MGAT5: variants seen among roughly 807,000 people sequenced by gnomAD.
The protein encoded by MGAT5 is alpha-1,6-mannosylglycoprotein 6-beta-N-acetylglucosaminyltransferase A.
MGAT5 carries 30 observed loss-of-function variants against 94.3 expected under a neutral mutation model. That is an observed-to-expected ratio of 0.32 (90% confidence interval 0.24 to 0.43). The LOEUF (loss-of-function observed/expected upper bound fraction) is 0.43, where lower values mean the gene tolerates loss of function less well. Among genes scored for constraint, MGAT5 ranks in the 20% least tolerant of loss-of-function variants. MGAT5 has a pLI of 1.00. For missense variants in MGAT5, 691 were observed against 905.5 expected (o/e 0.76, Z 3.04); for synonymous variants, 310 against 322.9 (o/e 0.96, Z 0.43).
At chr2:134,292,829 C>T (rs911882718) in intron 2 of MGAT5, among the ~76,000 whole-genome samples, 21 of 152,170 alleles carry the variant, frequency 1.4e-4, no homozygotes, top group South Asian at 2.1e-4. Flanking sequence ...TTTATCAAAG[C>T]GTGTTATGTG....
At chr2:134,135,780 G>T (rs1312799196) in intron 1 of MGAT5, among the ~76,000 whole-genome samples, 1 of 149,556 alleles carries the variant, frequency 6.7e-6, no homozygotes, top group Admixed American at 6.7e-5. Context: ...GCTCCTCCCC[G>T]AGCCACAGCC....
At chr2:134,282,062 A>G (rs1348682701) in intron 2 of MGAT5, among the ~76,000 whole-genome samples, 1 of 152,122 alleles carries the variant, frequency 6.6e-6, no homozygotes, top group Non-Finnish European at 1.5e-5. Flanking sequence ...TGTCTCCTGG[A>G]GATGGTTGTG....
chr2:134,313,743 CA>C (rs1430751498), intron 2 of MGAT5, among the ~76,000 whole-genome samples: 1 of 152,050 alleles, frequency 6.6e-6, no homozygotes, highest in East Asian at 1.9e-4. Flanking sequence ...ACTTGTATGA[CA>C]TGGACTCTTT....
chr2:134,349,137 T>C (rs1262093693), intron 8 of MGAT5, among the ~76,000 whole-genome samples: 1 of 152,214 alleles, frequency 6.6e-6, no homozygotes, highest in Non-Finnish European at 1.5e-5. Context: ...TATTCTAAGC[T>C]CACAGACCGT....
chr2:134,255,152 CT>C (rs763742050), intron 1 of MGAT5, among the ~76,000 whole-genome samples: 1 of 152,148 alleles, frequency 6.6e-6, no homozygotes, highest in Non-Finnish European at 1.5e-5. Context: ...CCTTTGGCTT[CT>C]TGAGGTTATG....
At chr2:134,241,193 G>A (rs1161904686) in intron 1 of MGAT5, among the ~76,000 whole-genome samples, 1 of 152,232 alleles carries the variant, frequency 6.6e-6, no homozygotes, top group Admixed American at 6.5e-5. Context: ...AACAGAGAGT[G>A]TGTCCAGCAG....
intron 1 of MGAT5, among the ~76,000 whole-genome samples, chr2:134,134,168 C>A (rs1686303771): frequency 6.6e-6 from 1 of 152,140 alleles, no homozygotes; most frequent in Admixed American, 6.5e-5. Context: ...GCATGCAATT[C>A]TTATCAACCC....
At chr2:134,156,196 C>G (rs935689297) in intron 1 of MGAT5, among the ~76,000 whole-genome samples, 5 of 152,160 alleles carry the variant, frequency 3.3e-5, no homozygotes, top group African/African-American at 1.2e-4. Flanking sequence ...TGCATGAGAT[C>G]TTGTTTATTT....
Position 134,190,725 on chromosome 2 carries a change from G to A in MGAT5, c.-142-63537G>A, listed in dbSNP as rs1262982730. On this transcript the variant is annotated intron_variant, in intron 1 of 16. Coordinates refer to the MGAT5 transcript ENST00000409645. ...GTGGCATGATCCATGGAACACTGCA[G>A]CCTCAACCTCCCCAGGCTCAGGTGA... Among the ~76,000 whole-genome samples the A allele has an allele frequency of 2.6e-5, 4 of 152,092 alleles. No individual in the cohort carries two copies. In the East Asian group the frequency reaches 7.7e-4, roughly 29 times the overall value.
intron 2 of MGAT5, among the ~76,000 whole-genome samples, chr2:134,312,686 G>A (rs1436467758): frequency 1.3e-5 from 2 of 152,074 alleles, no homozygotes; most frequent in Non-Finnish European, 2.9e-5. Flanking sequence ...TCCCACGTGT[G>A]CCAGCCCCCA....
intron 1 of MGAT5, among the ~76,000 whole-genome samples, chr2:134,184,836 C>T (rs1236402518): frequency 6.6e-6 from 1 of 152,166 alleles, no homozygotes; most frequent in Non-Finnish European, 1.5e-5. Flanking sequence ...GAAATGTCTG[C>T]ATCTCCATGC....
intron 12 of MGAT5, among the ~76,000 whole-genome samples, chr2:134,418,969 A>G (rs1684130215): frequency 6.6e-6 from 1 of 152,256 alleles, no homozygotes; most frequent in Non-Finnish European, 1.5e-5. Context: ...CTGTAACCAA[A>G]GAAGCTTTTA....
rs70973454 is a variant in MGAT5 at position 134,421,583 on chromosome 2, C to CA, written c.1678-1208dup. On this transcript the variant is annotated intron_variant, in intron 12 of 15. Transcript: ENST00000281923. ...GGGGTGACAAAGCAAAACTCTGTTT[C>CA]AAAAAAAAAAAATAAAAAACTAGAT... is the stretch of plus-strand genomic sequence containing the variant. 1.7e-3 allele frequency among the ~76,000 whole-genome samples: 243 copies of CA among 140,684 alleles called. 1 individual carries two copies. Among genetic ancestry groups the CA allele is most frequent in the Middle Eastern group, 7.0e-3 (2 of 284 alleles). The allele number at this position is 140,684 out of a possible 152,430, so 92.3% of individuals were successfully genotyped here. A position where few individuals can be genotyped will look rare whatever the true frequency, so the allele number is the denominator to read the frequency against.
upstream of MGAT5, among the ~76,000 whole-genome samples, chr2:134,252,424 T>TTAATA (rs1682663933): frequency 1.3e-5 from 2 of 152,080 alleles, no homozygotes; most frequent in Non-Finnish European, 2.9e-5. Context: ...GGCATTGTGG[T>TTAATA]GGGTGTTGAA....
chr2:134,199,301 A>G (rs1679653529), intron 1 of MGAT5, among the ~76,000 whole-genome samples: 1 of 151,946 alleles, frequency 6.6e-6, no homozygotes, highest in African/African-American at 2.4e-5. Context: ...ACTCAGAAGC[A>G]TGTACATATA....
intron 1 of MGAT5, among the ~76,000 whole-genome samples, chr2:134,243,675 T>C (rs541856312): frequency 2.3e-4 from 35 of 152,174 alleles, no homozygotes; most frequent in Non-Finnish European, 4.1e-4. Flanking sequence ...GCCTGAGTGG[T>C]CACTTCAGAT....
intron 7 of MGAT5, among the ~76,000 whole-genome samples, chr2:134,342,143 A>G (rs137875061): frequency 7.9e-4 from 121 of 152,296 alleles, no homozygotes; most frequent in African/African-American, 2.8e-3. Flanking sequence ...GAAACAGGGC[A>G]GGTTCCTGTT....
intron 4 of MGAT5, among the ~76,000 whole-genome samples, chr2:134,333,327 T>C (rs867233700): frequency 4.6e-4 from 69 of 150,224 alleles, no homozygotes; most frequent in African/African-American, 1.6e-3. Context: ...AGTAAACTAT[T>C]GCAAGGACAC....
At chr2:134,380,281 C>T (rs1252904863) in intron 10 of MGAT5, among the ~76,000 whole-genome samples, 1 of 152,188 alleles carries the variant, frequency 6.6e-6, no homozygotes, top group African/African-American at 2.4e-5. Context: ...ACGCACGTGG[C>T]ATAGTTTCTT....
Sources: gnomAD v4.1 joint callset for allele counts (sites outside exome capture counted in the v4.1 genomes callset) on GRCh38, gnomAD v4.1.1 for gene constraint, MANE v1.5 for transcripts, NCBI Gene and HGNC (gene_info 2026-07-23, HGNC 2026-07-21) for gene names.